Variants in CLEC12B observed in about 807,000 individuals in gnomAD.
CLEC12B encodes macrophage antigen h.
A neutral mutation model predicts 36.1 loss-of-function variants in CLEC12B; 25 were observed. That is an observed-to-expected ratio of 0.69 (90% CI 0.50 to 0.97). The LOEUF (loss-of-function observed/expected upper bound fraction) is 0.97. CLEC12B is among the 50% of genes least tolerant of loss of function. The probability of loss-of-function intolerance (pLI) is 0.00; values close to 1 mark genes in which losing one functional copy is unlikely to be tolerated. For missense variants in CLEC12B, 325 were observed against 318.4 expected (o/e 1.02, Z -0.16); for synonymous variants, 110 against 108.5 (o/e 1.01, Z -0.09).
chr12:10,014,057 C>T (rs1253458316), intron 2 of CLEC12B, among the ~76,000 whole-genome samples: 5 of 152,108 alleles, frequency 3.3e-5, no homozygotes, highest in African/African-American at 9.7e-5. Context: ...GGACCCATGA[C>T]GAGAAATGGT....
At chr12:10,017,775 G>A (rs957471392) in intron 5 of CLEC12B, 2 of 873,922 alleles carry the variant, frequency 2.3e-6, no homozygotes, top group Non-Finnish European at 2.8e-6. Flanking sequence ...CATTATTTCA[G>A]GATTAACATC....
intron 5 of CLEC12B, chr12:10,016,999 C>A: frequency 1.0e-6 from 1 of 983,262 alleles, no homozygotes; most frequent in Non-Finnish European, 1.2e-6. Context: ...TTTTCTTAAA[C>A]TGAATAATAA....
upstream of CLEC12B, among the ~76,000 whole-genome samples, chr12:10,006,970 G>A (rs1265135088): frequency 3.3e-5 from 5 of 152,112 alleles, no homozygotes; most frequent in South Asian, 6.2e-4. Context: ...CAGGGGAATG[G>A]CATGAACCTG....
At chr12:10,008,381 G>A (rs759872008), upstream of CLEC12B, among the ~76,000 whole-genome samples, 5 of 152,156 alleles carry the variant, frequency 3.3e-5, no homozygotes, top group Non-Finnish European at 7.4e-5. Flanking sequence ...GTGTGGGTAA[G>A]GTTATTGGAG....
At chr12:10,008,491 TA>T (rs1233023846), upstream of CLEC12B, among the ~76,000 whole-genome samples, 3 of 152,274 alleles carry the variant, frequency 2.0e-5, no homozygotes, top group Non-Finnish European at 4.4e-5. Context: ...CAATAAGATT[TA>T]AGATAGTTGA....
At chr12:10,007,567 T>G (rs7960202), upstream of CLEC12B, among the ~76,000 whole-genome samples, 57,386 of 151,972 alleles carry the variant, frequency 0.38, 11,159 homozygotes, top group African/African-American at 0.42. Context: ...GTTATCCGTT[T>G]AGTTTGTAGA....
In CLEC12B at chr12:10,015,241, T is replaced by C; in HGVS notation, c.410-11T>C. ...TTCAGTTTATATTATTGGGTATAAT[T>C]TCCTTTTCAGACCACAGATGTAATC... On this transcript the variant is annotated splice_polypyrimidine_tract_variant and intron_variant, in intron 3 of 5. Transcript: ENST00000338896. The C allele has an allele frequency of 6.2e-7, 1 of 1,606,118 alleles. No individual in the cohort carries two copies. Among genetic ancestry groups the C allele is most frequent in the Middle Eastern group, 1.7e-4 (1 of 5,998 alleles).
At chr12:10,013,090 T>C (rs1297820676) in intron 2 of CLEC12B, 1 of 564,558 alleles carries the variant, frequency 1.8e-6, no homozygotes, top group Non-Finnish European at 3.1e-6. Flanking sequence ...TTGTTTTATC[T>C]TGATAAGCTA....
chr12:10,014,562 A>T lies in CLEC12B; in HGVS notation c.230A>T (p.Lys77Ile). Residue 77 changes from lysine to isoleucine, a missense_variant, in exon 3 of 6, where the codon AAA (lysine) becomes ATA (isoleucine). Coordinates refer to ENST00000338896, the MANE Select transcript of CLEC12B (RefSeq NM_001129998.3). The stretch of plus-strand genomic sequence containing the variant: ...AATGACATTAACTCAGATTCAGAGA[A>T]ATTGAGTCAACTTCAGAAAACCATC... ...ISNDINSDSE[K>I]LSQLQKTIQQ... 6.2e-7 allele frequency: 1 copy of T among 1,613,774 alleles called. No individual in the cohort carries two copies. Among genetic ancestry groups the T allele is most frequent in the Non-Finnish European group, 8.5e-7 (1 of 1,179,756 alleles).
Position 10,017,573 on chromosome 12 carries a change from A to G in CLEC12B, c.681-758A>G, listed in dbSNP as rs961019648. ...TGTCAGACAAGCCAGCATGTCAAAC[A>G]CAGGTTAGAGAGACTGAGCTTCCAG... On this transcript the variant is annotated intron_variant, in intron 5 of 5. Transcript: ENST00000338896. 2.5e-5 allele frequency: 25 copies of G among 985,416 alleles called. No homozygotes were observed. In the African/African-American group the frequency reaches 4.4e-4, roughly 17 times the overall value. The allele number at this position is 985,416 out of a possible 1,614,324, so 61.0% of individuals were successfully genotyped here.
intron 2 of CLEC12B, 113 bp downstream of exon 2, chr12:10,012,996 T>C (rs773969406): frequency 1.1e-5 from 8 of 758,274 alleles, no homozygotes; most frequent in Non-Finnish European, 1.8e-5. Flanking sequence ...TCTGATACTT[T>C]TCTGCTGTCT....
intron 1 of CLEC12B, among the ~76,000 whole-genome samples, chr12:10,012,174 G>T (rs1243589590): frequency 6.6e-6 from 1 of 152,118 alleles, no homozygotes; most frequent in African/African-American, 2.4e-5. Flanking sequence ...ATAAGTTATT[G>T]TTAACAGGTA....
At chr12:10,011,930 G>C (rs1865338437) in intron 1 of CLEC12B, among the ~76,000 whole-genome samples, 1 of 152,148 alleles carries the variant, frequency 6.6e-6, no homozygotes, top group African/African-American at 2.4e-5. Context: ...AGTGTACCTA[G>C]AGTCTGTCAT....
intron 2 of CLEC12B, 38 bp from the exon 3 acceptor site, chr12:10,014,485 G>A: frequency 7.2e-7 from 1 of 1,395,910 alleles, no homozygotes; most frequent in South Asian, 1.2e-5. Flanking sequence ...TATAAGAATA[G>A]AAGAATATAT....
intron 1 of CLEC12B, among the ~76,000 whole-genome samples, chr12:10,011,230 A>C (rs1457142895): frequency 6.6e-6 from 1 of 152,182 alleles, no homozygotes; most frequent in Non-Finnish European, 1.5e-5. Context: ...AAGGTAGAGG[A>C]CGTTTTTCTT....
At position 10,015,100 on chromosome 12, in the gene CLEC12B, G is replaced by A. The variant is rs115582778; in HGVS notation, c.410-152G>A. ...CCTGTTGCCCCAACCCATAACCAGG[G>A]GTCACTTTTTTTTCAGAGGCTTCTA... is the stretch of plus-strand genomic sequence containing the variant. On this transcript the variant is annotated intron_variant, in intron 3 of 5. Coordinates refer to ENST00000338896, the MANE Select transcript of CLEC12B (RefSeq NM_001129998.3). The A allele has an allele frequency of 2.1e-3, 1,454 of 676,810 alleles. 23 individuals are homozygous for A. In the African/African-American group the frequency reaches 0.023, roughly 11 times the overall value. 41.9% of individuals were successfully genotyped at this position (676,810 alleles called of 1,614,324 possible). A position where few individuals can be genotyped will look rare whatever the true frequency, so the allele number is the denominator to read the frequency against.
chr12:10,018,395 AAT>A lies in CLEC12B; in HGVS notation c.748_749del (p.Ile250LeufsTer6), dbSNP rs1275970179. 1 of 1,547,194 alleles carries A rather than the reference AAT, an allele frequency of 6.5e-7. No homozygotes were observed. Among genetic ancestry groups the A allele is most frequent in the Admixed American group, 2.0e-5 (1 of 50,952 alleles). ...AGGATGTGCTTATTTTCAAAAAGGAAATATTTATATTTCTCGCTGTAGTGCTG... is the reference window on the plus strand; with the variant it reads ...AGGATGTGCTTATTTTCAAAAAGGAAATTTATATTTCTCGCTGTAGTGCTG... The part of the protein sequence containing the change: ...SKGCAYFQKG[N>X]IYISRCSAEI... On this transcript the variant is annotated frameshift_variant, in exon 6 of 6. Transcript: ENST00000338896. LOFTEE classifies it high-confidence loss of function.
At position 10,015,408 on chromosome 12, in the gene CLEC12B, T is replaced by C. The variant is rs1565580695; in HGVS notation, c.564+2T>C. 3 of 1,610,342 alleles carry C rather than the reference T, an allele frequency of 1.9e-6. No homozygotes were observed. The highest frequency in any genetic ancestry group is 1.7e-6 in the Non-Finnish European group (2 of 1,178,546). On this transcript the variant is annotated splice_donor_variant, in intron 4 of 5. Transcript: ENST00000338896. LOFTEE classifies it high-confidence loss of function. ...AAGATAGACAGTTTGGAAGAAAAGGTAGGATTGAGTCTCATTCTCTAGTTA... is the reference window on the plus strand; with the variant it reads ...AAGATAGACAGTTTGGAAGAAAAGGCAGGATTGAGTCTCATTCTCTAGTTA...
chr12:10,011,029 G>A (rs909805387), intron 1 of CLEC12B, among the ~76,000 whole-genome samples, 179 bp downstream of exon 1: 1 of 152,190 alleles, frequency 6.6e-6, no homozygotes, highest in African/African-American at 2.4e-5. Context: ...GTGAAAATAT[G>A]TGGCTTTCAG....
Sources: gnomAD v4.1 joint callset for allele counts (sites outside exome capture counted in the v4.1 genomes callset) on GRCh38, gnomAD v4.1.1 for gene constraint, MANE v1.5 for transcripts, NCBI Gene and HGNC (gene_info 2026-07-23, HGNC 2026-07-21) for gene names.